Variants in INPP4B observed in about 807,000 individuals in gnomAD.
INPP4B encodes inositol polyphosphate 4-phosphatase type II.
A neutral mutation model predicts 122.5 loss-of-function variants in INPP4B; 55 were observed. The ratio of observed to expected loss-of-function variants is 0.45; its 90% CI spans 0.36 to 0.56. The LOEUF is 0.56. INPP4B is among the 20% of genes least tolerant of loss of function. INPP4B has a pLI of 0.00. For missense variants in INPP4B, 1,000 were observed against 1,097.7 expected, an observed-to-expected ratio of 0.91 and a Z score of 1.26; for synonymous variants, 403 against 388.7, an observed-to-expected ratio of 1.04 and a Z score of -0.43.
intron 1 of INPP4B, among the ~76,000 whole-genome samples, chr4:142,739,706 C>T (rs1037344497): frequency 6.6e-6 from 1 of 151,814 alleles, no homozygotes; most frequent in South Asian, 2.1e-4. Context: ...AGCATCAATG[C>T]AGGAGGCTCC....
chr4:142,100,132 T>C (rs1783847729), intron 23 of INPP4B, among the ~76,000 whole-genome samples: 1 of 152,144 alleles, frequency 6.6e-6, no homozygotes, highest in South Asian at 2.1e-4. Context: ...TGCCCTCATT[T>C]CTGTATGTAC....
intron 2 of INPP4B, among the ~76,000 whole-genome samples, chr4:142,645,719 T>G (rs961739477): frequency 6.6e-6 from 1 of 152,202 alleles, no homozygotes; most frequent in Non-Finnish European, 1.5e-5. Flanking sequence ...AGCTGTTGAA[T>G]TCTTGTTCAC....
rs577013093 is a variant in INPP4B, at chr4:142,768,716, AAGAACATGAAGCTTTTAG to A, written c.-253-42833_-253-42816del. Among the ~76,000 whole-genome samples the A allele has an allele frequency of 3.0e-3, 454 of 152,320 alleles. 2 individuals are homozygous for A. Among genetic ancestry groups the A allele is most frequent in the African/African-American group, 0.01 (419 of 41,594 alleles). ...ACAGAAGCAAGTCACAGAAACAAGA[AAGAACATGAAGCTTTTAG>A]AGAACAGCCAGGGGATCAAAAAGGT... is the stretch of plus-strand genomic sequence containing the variant. On this transcript the variant is annotated intron_variant, in intron 1 of 25. Transcript: ENST00000262992.
At chr4:142,255,738 C>A (rs1056569121) in intron 11 of INPP4B, among the ~76,000 whole-genome samples, 1 of 152,080 alleles carries the variant, frequency 6.6e-6, no homozygotes, top group African/African-American at 2.4e-5. Context: ...GACTTCGACT[C>A]CCACACATTA....
chr4:142,375,459 C>G (rs776443413), intron 7 of INPP4B, among the ~76,000 whole-genome samples: 1 of 151,828 alleles, frequency 6.6e-6, no homozygotes, highest in Non-Finnish European at 1.5e-5. Flanking sequence ...TATTCCAAAC[C>G]CTGTGGCTGT....
intron 2 of INPP4B, among the ~76,000 whole-genome samples, chr4:142,642,776 TTAAAG>T (rs1214269453): frequency 2.0e-5 from 3 of 152,198 alleles, no homozygotes; most frequent in Non-Finnish European, 4.4e-5. Flanking sequence ...TATATGAACT[TTAAAG>T]TAGTTTTTTC....
chr4:142,822,804 C>G (rs1186660004), intron 1 of INPP4B, among the ~76,000 whole-genome samples: 1 of 152,128 alleles, frequency 6.6e-6, no homozygotes, highest in Non-Finnish European at 1.5e-5. Flanking sequence ...GTCTCTTAGC[C>G]TAGTCTTACA....
chr4:142,228,182 G>C (rs1852466637), intron 12 of INPP4B, among the ~76,000 whole-genome samples: 1 of 151,708 alleles, frequency 6.6e-6, no homozygotes, highest in African/African-American at 2.4e-5. Context: ...AATAAAAGCA[G>C]CATGCAGTCC....
At chr4:142,566,806 C>T (rs1450527692) in intron 2 of INPP4B, among the ~76,000 whole-genome samples, 1 of 152,188 alleles carries the variant, frequency 6.6e-6, no homozygotes, top group Non-Finnish European at 1.5e-5. Context: ...ACCTCTATTA[C>T]TATCAGTTTC....
chr4:142,677,182 G>A (rs1379911933), intron 2 of INPP4B, among the ~76,000 whole-genome samples: 2 of 152,072 alleles, frequency 1.3e-5, no homozygotes, highest in Non-Finnish European at 1.5e-5. Flanking sequence ...AGTGGGCAAA[G>A]GATATGAACA....
chr4:142,259,653 T>A (rs552488738), intron 11 of INPP4B, among the ~76,000 whole-genome samples: 24 of 151,964 alleles, frequency 1.6e-4, no homozygotes, highest in African/African-American at 5.3e-4. Context: ...TATACACTTT[T>A]AAATTTTCTT....
chr4:142,392,120 G>C (rs1229560725), intron 7 of INPP4B, among the ~76,000 whole-genome samples: 1 of 152,122 alleles, frequency 6.6e-6, no homozygotes, highest in Admixed American at 6.5e-5. Flanking sequence ...AAAACTTCAG[G>C]ACTGTGAACC....
chr4:142,476,663 T>C (rs1281601755), intron 2 of INPP4B, among the ~76,000 whole-genome samples: 1 of 152,144 alleles, frequency 6.6e-6, no homozygotes, highest in Non-Finnish European at 1.5e-5. Context: ...GCTATTCTAA[T>C]TTCAGATAAA....
At chr4:142,655,520 G>A (rs912884105) in intron 2 of INPP4B, among the ~76,000 whole-genome samples, 3 of 152,120 alleles carry the variant, frequency 2.0e-5, no homozygotes, top group Admixed American at 6.6e-5. Flanking sequence ...TATGTTAAGT[G>A]CTTTTCAGGC....
intron 21 of INPP4B, among the ~76,000 whole-genome samples, chr4:142,113,135 T>A (rs1791097913): frequency 6.6e-6 from 1 of 152,100 alleles, no homozygotes; most frequent in Non-Finnish European, 1.5e-5. Context: ...TGTTTCTGTT[T>A]ATGATGCGCT....
chr4:142,659,426 C>T (rs1423344835), intron 2 of INPP4B, among the ~76,000 whole-genome samples: 5 of 151,726 alleles, frequency 3.3e-5, no homozygotes, highest in Middle Eastern at 3.4e-3. Flanking sequence ...AAAAAGAGGA[C>T]TGGAGAGAGA....
chr4:142,652,905 G>T (rs1038767503), intron 2 of INPP4B, among the ~76,000 whole-genome samples: 15 of 152,118 alleles, frequency 9.9e-5, no homozygotes, highest in Non-Finnish European at 1.8e-4. Flanking sequence ...GCATTGCCAA[G>T]ACAATCCTAA....
At chr4:142,103,770 T>C (rs746627862) in intron 23 of INPP4B, among the ~76,000 whole-genome samples, 1 of 152,014 alleles carries the variant, frequency 6.6e-6, no homozygotes, top group African/African-American at 2.4e-5. Context: ...ATCTGCTAAA[T>C]TTAATGTGAG....
At chr4:142,208,235 T>C (rs192359168) in intron 14 of INPP4B, among the ~76,000 whole-genome samples, 190 bp downstream of exon 14, 63 of 152,310 alleles carry the variant, frequency 4.1e-4, no homozygotes, top group African/African-American at 1.4e-3. Flanking sequence ...TCATAAAGTA[T>C]TTCTCAAAAA....
Sources: gnomAD v4.1 joint callset for allele counts (sites outside exome capture counted in the v4.1 genomes callset) on GRCh38, gnomAD v4.1.1 for gene constraint, MANE v1.5 for transcripts, NCBI Gene and HGNC (gene_info 2026-07-23, HGNC 2026-07-21) for gene names.